The following CUL9 variants were observed in gnomAD, a reference collection of about 807,000 sequenced individuals.
CUL9 encodes cullin 9, also known as cullin-9.
A neutral mutation model predicts 272.6 loss-of-function variants in CUL9; 79 were observed. The ratio of observed to expected loss-of-function variants is 0.29; its 90% CI spans 0.24 to 0.35. The LOEUF (loss-of-function observed/expected upper bound fraction) is 0.35. CUL9 is among the 10% of genes least tolerant of loss of function. The pLI is 1.00. For synonymous variants in CUL9, 1,186 were observed against 1,286.5 expected, an observed-to-expected ratio of 0.92 and a Z score of 1.67; for missense variants, 2,532 against 3,255.6, an observed-to-expected ratio of 0.78 and a Z score of 5.41.
At chr6:43,185,195 T>G (rs1006253947) in intron 2 of CUL9, among the ~76,000 whole-genome samples, 2 of 152,156 alleles carry the variant, frequency 1.3e-5, no homozygotes, top group Admixed American at 6.5e-5. Context: ...GAAATCAATT[T>G]GGTGGGTTAC....
rs902506144 is a variant in CUL9, at chr6:43,213,621, C to T, written c.5488+54C>T. 9.7e-5 allele frequency: 155 copies of T among 1,597,638 alleles called. No homozygotes were observed. Among genetic ancestry groups the T allele is most frequent in the Non-Finnish European group, 1.3e-4 (150 of 1,171,316 alleles). Reference sequence around the variant, plus strand: ...CTGCTGCTGGTCGGGGGGTCGCCCTCAAGATGGGGGGACTGTGAGAATGGG... The same window carrying T: ...CTGCTGCTGGTCGGGGGGTCGCCCTTAAGATGGGGGGACTGTGAGAATGGG... On this transcript the variant is annotated intron_variant, in intron 28 of 40. Coordinates refer to ENST00000252050, the MANE Select transcript of CUL9 (RefSeq NM_015089.4). The surrounding 1 kb of genome is among the most constrained non-coding windows in gnomAD (Gnocchi z 5.7).
chr6:43,207,077 C>G (rs1775104551), intron 26 of CUL9, among the ~76,000 whole-genome samples: 2 of 152,204 alleles, frequency 1.3e-5, no homozygotes, highest in Non-Finnish European at 2.9e-5. Context: ...CTCCTGACCT[C>G]AGGTGATCCA....
In CUL9 at chr6:43,204,770, G is replaced by T. The variant is rs1316531134; in HGVS notation, c.4362G>T (p.Arg1454=). 1 of 1,614,076 alleles carries T rather than the reference G, an allele frequency of 6.2e-7. No individual in the cohort carries two copies. The highest frequency in any genetic ancestry group is 2.2e-5 in the East Asian group (1 of 44,890). Residue 1454 remains arginine, a synonymous_variant, in exon 22 of 41, where the codon CGG becomes CGT. Transcript: ENST00000252050. ...CAGTCAGCAAGAACAGCAAGGGTCG[G>T]GACCGGAGCCCGGCGCCTTCGCCAG... ...TRPFSKNSKG[R]DRSPAPSPVL... is the part of the protein sequence containing the mutation.
In CUL9 at chr6:43,220,876, G is replaced by A. The variant is rs771194137; in HGVS notation, c.6553G>A (p.Gly2185Ser). 1 of 1,613,410 alleles carries A rather than the reference G, an allele frequency of 6.2e-7. No individual in the cohort carries two copies. Residue 2185 changes from glycine (G) to serine (S), a missense_variant, in exon 33 of 41, where the codon GGC becomes AGC. Gly to Ser is a moderately conservative substitution (Grantham distance 56). This residue lies in a region of CUL9 where 77 missense variants were observed against 161.1 expected (regional missense o/e 0.48). Coordinates refer to ENST00000252050, the MANE Select transcript of CUL9 (RefSeq NM_015089.4). The surrounding 1 kb of genome is among the most constrained non-coding windows in gnomAD (Gnocchi z 4.9). ...CTGTGGGACCACCTGCTCCAAGTGT[G>A]GCTGGGCCTCTTGCTTCAACTGTAG... ...LGCGTTCSKC[G>S]WASCFNCSFP... is the part of the protein sequence containing the mutation.
In CUL9 at chr6:43,204,343, G is replaced by A. The variant is rs1365372576; in HGVS notation, c.4160-17G>A. On this transcript the variant is annotated splice_polypyrimidine_tract_variant and intron_variant, in intron 20 of 40. Coordinates refer to ENST00000252050, the MANE Select transcript of CUL9 (RefSeq NM_015089.4). Reference sequence around the variant, plus strand: ...CCATCTCCCATGGAGACCTGTTCCTGACCTGTCTTCTTTCAGATGCGGAAG... The same window carrying A: ...CCATCTCCCATGGAGACCTGTTCCTAACCTGTCTTCTTTCAGATGCGGAAG... The A allele has an allele frequency of 6.2e-7, 1 of 1,612,824 alleles. No individual in the cohort carries two copies. Among genetic ancestry groups the A allele is most frequent in the Admixed American group, 1.7e-5 (1 of 60,010 alleles).
Position 43,203,769 on chromosome 6 carries a change from G to C in CUL9, c.4026-85G>C. 3 of 1,538,918 alleles carry C rather than the reference G, an allele frequency of 1.9e-6. No homozygotes were observed. Among genetic ancestry groups the C allele is most frequent in the Non-Finnish European group, 2.6e-6 (3 of 1,139,318 alleles). On this transcript the variant is annotated intron_variant, in intron 19 of 40. Coordinates refer to ENST00000252050, the MANE Select transcript of CUL9 (RefSeq NM_015089.4). The surrounding 1 kb of genome is among the most constrained non-coding windows in gnomAD (Gnocchi z 5.0). The stretch of plus-strand genomic sequence containing the variant: ...AAGTTGGGTCAGGGACCGAACAGGG[G>C]TGATTGGGAGCTGATCTGCACTTGA...
In CUL9 at chr6:43,220,350, G is replaced by A. The variant is rs1208795395; in HGVS notation, c.6283-109G>A. ...GGCAGGCTTGTTTCTGGCCTTCCAC[G>A]TTGTAGTGGAGGGGAAGGGAAGGAG... is the stretch of plus-strand genomic sequence containing the variant. On this transcript the variant is annotated intron_variant, in intron 31 of 40. Coordinates refer to ENST00000252050, the MANE Select transcript of CUL9 (RefSeq NM_015089.4). The surrounding 1 kb of genome is among the most constrained non-coding windows in gnomAD (Gnocchi z 4.9). 14 of 1,279,442 alleles carry A rather than the reference G, an allele frequency of 1.1e-5. No homozygotes were observed. The highest frequency in any genetic ancestry group is 5.9e-5 in the Admixed American group (3 of 50,560). The allele number at this position is 1,279,442 out of a possible 1,614,324, so 79.3% of individuals were successfully genotyped here. A position where few individuals can be genotyped will look rare whatever the true frequency, so the allele number is the denominator to read the frequency against.
intron 7 of CUL9, 36 bp from the exon 8 acceptor site, chr6:43,188,487 G>T: frequency 6.5e-7 from 1 of 1,547,384 alleles, no homozygotes; most frequent in Non-Finnish European, 8.7e-7. Context: ...AGGTGCCACA[G>T]TTCTTTTAGC....
At chr6:43,189,993 A>G (rs551901260) in intron 8 of CUL9, among the ~76,000 whole-genome samples, 19 of 150,242 alleles carry the variant, frequency 1.3e-4, no homozygotes, top group African/African-American at 4.7e-4. Flanking sequence ...AGTCTATGTA[A>G]TCACATTCTA....
chr6:43,193,584 T>C (rs1366013980), intron 9 of CUL9, among the ~76,000 whole-genome samples: 1 of 152,088 alleles, frequency 6.6e-6, no homozygotes, highest in Non-Finnish European at 1.5e-5. Context: ...GTCTCGCTTG[T>C]TGCCTAGGCT....
chr6:43,204,448 G>A lies in CUL9; in HGVS notation c.4248G>A (p.Ala1416=), dbSNP rs143759620. ...CTCGGAACCCCTTGAGTCGAGCAGCGTCCTTTGCTTCTCGAGTTCGTCGCC... is the reference window on the plus strand; with the variant it reads ...CTCGGAACCCCTTGAGTCGAGCAGCATCCTTTGCTTCTCGAGTTCGTCGCC... The part of the protein sequence containing the change: ...ETSRNPLSRA[A]SFASRVRRLC... The change falls in exon 21 of 41, where the codon GCG becomes GCA. Residue 1416 remains alanine, a synonymous_variant. Coordinates refer to ENST00000252050, the MANE Select transcript of CUL9 (RefSeq NM_015089.4). The A allele has an allele frequency of 1.9e-4, 303 of 1,614,132 alleles. No homozygotes were observed. In the Middle Eastern group the frequency reaches 2.8e-3, roughly 15 times the overall value.
intron 9 of CUL9, among the ~76,000 whole-genome samples, chr6:43,194,444 G>A (rs1467575995): frequency 2.6e-5 from 4 of 151,564 alleles, no homozygotes; most frequent in Admixed American, 2.0e-4. Context: ...TCAGCCTCCC[G>A]AGTAGCTGGG....
intron 35 of CUL9, 31 bp from the exon 36 acceptor site, chr6:43,222,285 C>T (rs373269907): frequency 6.2e-7 from 1 of 1,600,454 alleles, no homozygotes; most frequent in Non-Finnish European, 8.6e-7. Context: ...AAACAAAACA[C>T]CCAATAGCCC....
chr6:43,205,060 T>A lies in CUL9; in HGVS notation c.4577T>A (p.Leu1526Gln). 6.2e-7 allele frequency: 1 copy of A among 1,609,762 alleles called. No homozygotes were observed. Among genetic ancestry groups the A allele is most frequent in the Non-Finnish European group, 8.5e-7 (1 of 1,178,166 alleles). ...CCTCGGGCAGCCTTCATGCTGGCTCTGCGCAGTGGCTTCTCTGGCGCCTTG... is the reference window on the plus strand; with the variant it reads ...CCTCGGGCAGCCTTCATGCTGGCTCAGCGCAGTGGCTTCTCTGGCGCCTTG... Reference protein sequence around the residue: ...FGPRAAFMLALRSGFSGALLQ... With the variant: ...FGPRAAFMLAQRSGFSGALLQ... Residue 1526 changes from leucine to glutamine, a missense_variant, in exon 23 of 41, where the codon CTG (leucine) becomes CAG (glutamine). By Grantham distance (113) the Leu-to-Gln change is moderately radical (BLOSUM62 -2). Coordinates refer to ENST00000252050, the MANE Select transcript of CUL9 (RefSeq NM_015089.4).
At position 43,200,008 on chromosome 6, in the gene CUL9, G is replaced by A. The variant is rs775258894; in HGVS notation, c.3236G>A (p.Gly1079Glu). 6.2e-7 allele frequency: 1 copy of A among 1,614,204 alleles called. No individual in the cohort carries two copies. Among genetic ancestry groups the A allele is most frequent in the Admixed American group, 1.7e-5 (1 of 60,032 alleles). ...KDYAVVLCCL[G>E]AKEILSKVLD... ...TATGCTGTGGTGCTCTGCTGCCTGGGAGCAAAAGAGATCCTCTCCAAAGTC... is the reference window on the plus strand; with the variant it reads ...TATGCTGTGGTGCTCTGCTGCCTGGAAGCAAAAGAGATCCTCTCCAAAGTC... Residue 1079 changes from glycine to glutamate, a missense_variant, in exon 14 of 41, where the codon GGA becomes GAA. Gly to Glu is a moderately conservative substitution (Grantham distance 98). Around this residue, in one of 3 missense-constraint regions of CUL9, gnomAD observed 2,218 missense variants for 2,788.6 expected, o/e 0.80. Transcript: ENST00000252050. The surrounding 1 kb of genome is among the most constrained non-coding windows in gnomAD (Gnocchi z 4.0).
rs1244070843 is a variant in CUL9, at chr6:43,203,442, G to T, written c.3875G>T (p.Gly1292Val). ...QQGGIDTRVR[G>V]VEVLGPKPTF... ...GGCGGCATTGACACCCGGGTTCGGG[G>T]TGTGGAGGTCCTGGGCCCTAAGCCC... Residue 1292 changes from glycine (G) to valine (V), a missense_variant, in exon 19 of 41, where the codon GGT becomes GTT. By Grantham distance (109) the Gly-to-Val change is moderately radical. Transcript: ENST00000252050. This position sits in a 1 kb window ranked among gnomAD's most constrained non-coding sequence, Gnocchi z 5.0. The T allele has an allele frequency of 6.2e-7, 1 of 1,614,084 alleles. No homozygotes were observed. Among genetic ancestry groups the T allele is most frequent in the Non-Finnish European group, 8.5e-7 (1 of 1,180,046 alleles).
At chr6:43,210,794 ACTT>A (rs771623720) in intron 26 of CUL9, among the ~76,000 whole-genome samples, 72 of 152,100 alleles carry the variant, frequency 4.7e-4, no homozygotes, top group Non-Finnish European at 9.1e-4. Flanking sequence ...ACTGTTTCTA[ACTT>A]CTTATTTTGT....
At chr6:43,215,379 A>G in intron 30 of CUL9, 53 bp downstream of exon 30, 2 of 1,540,730 alleles carry the variant, frequency 1.3e-6, no homozygotes, top group Non-Finnish European at 1.7e-6. Flanking sequence ...GGTCATGCCA[A>G]AGCCAAGATC....
intron 9 of CUL9, among the ~76,000 whole-genome samples, chr6:43,194,069 T>C (rs1773771925): frequency 6.6e-6 from 1 of 152,146 alleles, no homozygotes; most frequent in Non-Finnish European, 1.5e-5. Context: ...AGAATTGGCT[T>C]CCTGGTTACT....
Sources: gnomAD v4.1 joint callset for allele counts (sites outside exome capture counted in the v4.1 genomes callset) on GRCh38, gnomAD v4.1.1 for gene constraint, gnomAD v4.1.1 regional missense constraint, Gnocchi (gnomAD v3.1) non-coding constraint, MANE v1.5 for transcripts, NCBI Gene and HGNC (gene_info 2026-07-23, HGNC 2026-07-21) for gene names.